Variants in ZNF548 observed in about 807,000 individuals in gnomAD.
ZNF548 encodes the protein zinc finger protein 548.
Under a neutral mutation model 10.2 loss-of-function variants are expected in ZNF548, and 10 were observed. The ratio of observed to expected loss-of-function variants is 0.98; its 90% CI spans 0.60 to 1.66. The LOEUF (loss-of-function observed/expected upper bound fraction) is 1.66, where lower values mean the gene tolerates loss of function less well. ZNF548 is among the 40% of genes most tolerant of loss of function. The probability of loss-of-function intolerance (pLI) is 0.00; values close to 1 mark genes in which losing one functional copy is unlikely to be tolerated. For synonymous variants in ZNF548, 217 were observed against 223.5 expected (o/e 0.97, Z 0.26); for missense variants, 599 against 657.0 (o/e 0.91, Z 0.97).
At chr19:57,396,416 C>T (rs1295421398) in intron 2 of ZNF548, among the ~76,000 whole-genome samples, 2 of 152,210 alleles carry the variant, frequency 1.3e-5, no homozygotes, top group South Asian at 2.1e-4. Flanking sequence ...AGAAAAGTCA[C>T]TCATGCCACC....
chr19:57,395,035 G>T lies in ZNF548; in HGVS notation c.51+812G>T, dbSNP rs1055789196. On this transcript the variant is annotated intron_variant, in intron 2 of 3. Transcript: ENST00000336128. This position sits in a 1 kb window ranked among gnomAD's most constrained non-coding sequence, Gnocchi z 4.8. ...TGATGGAGGAGTTCAGGTTGGAGAT[G>T]TCCACACTATGGTGGCTGTCGTATG... 6.6e-6 allele frequency among the ~76,000 whole-genome samples: 1 copy of T among 151,990 alleles called. No homozygotes were observed. Among genetic ancestry groups the T allele is most frequent in the Non-Finnish European group, 1.5e-5 (1 of 68,040 alleles).
rs2088722203 is a variant in ZNF548, at chr19:57,402,134, C to G, written c.*2245C>G. 6.6e-6 allele frequency: 1 copy of G among 152,218 alleles called. No homozygotes were observed. Among genetic ancestry groups the G allele is most frequent in the African/African-American group, 2.4e-5 (1 of 41,454 alleles). 9.4% of individuals were successfully genotyped at this position (152,218 alleles called of 1,614,324 possible). On this transcript the variant is annotated 3_prime_UTR_variant, in exon 4 of 4. Transcript: ENST00000336128. ...TTATGTGGCTATCCAGTTTTCCAAG[C>G]ACCATTTTTTGAAAAGAGCATCTTT...
chr19:57,401,112 A>G lies in ZNF548; in HGVS notation c.*1223A>G, dbSNP rs2088713022. 1 of 152,010 alleles carries G rather than the reference A, an allele frequency of 6.6e-6. No homozygotes were observed. Among genetic ancestry groups the G allele is most frequent in the African/African-American group, 2.4e-5 (1 of 41,356 alleles). 9.4% of individuals were successfully genotyped at this position (152,010 alleles called of 1,614,324 possible). On this transcript the variant is annotated 3_prime_UTR_variant, in exon 4 of 4. Coordinates refer to ENST00000336128, the MANE Select transcript of ZNF548 (RefSeq NM_001172773.2). ...TATACATTCTGGATATTAACTCCTTACCAAATATATGCTTTTTACATATTA... is the reference window on the plus strand; with the variant it reads ...TATACATTCTGGATATTAACTCCTTGCCAAATATATGCTTTTTACATATTA...
At chr19:57,398,017 A>G (rs2088679419) in intron 3 of ZNF548, among the ~76,000 whole-genome samples, 1 of 152,158 alleles carries the variant, frequency 6.6e-6, no homozygotes, top group Non-Finnish European at 1.5e-5. Flanking sequence ...ATGCCTGCCA[A>G]CACGTGGCCT....
chr19:57,391,025 GT>G (rs1275022551), intron 1 of ZNF548, among the ~76,000 whole-genome samples: 21 of 152,300 alleles, frequency 1.4e-4, no homozygotes, highest in Admixed American at 5.2e-4. Flanking sequence ...TATTTGCATA[GT>G]GGTCAAGTCT....
chr19:57,396,397 A>C (rs1268361573), intron 2 of ZNF548, among the ~76,000 whole-genome samples: 1 of 152,160 alleles, frequency 6.6e-6, no homozygotes, highest in African/African-American at 2.4e-5. Context: ...GGCCAATGTC[A>C]ATATGGAGAG....
Position 57,399,899 on chromosome 19 carries a change from T to C in ZNF548, c.*10T>C, listed in dbSNP as rs769086629. The stretch of plus-strand genomic sequence containing the variant: ...GAAAGTTTACCATTGACTATTGTAA[T>C]TGGGTAGTAATGTTATATAAATTCC... On this transcript the variant is annotated 3_prime_UTR_variant, in exon 4 of 4. Coordinates refer to ENST00000336128, the MANE Select transcript of ZNF548 (RefSeq NM_001172773.2). The surrounding 1 kb of genome is among the most constrained non-coding windows in gnomAD (Gnocchi z 4.0). 13 of 1,557,374 alleles carry C rather than the reference T, an allele frequency of 8.3e-6. No homozygotes were observed. The highest frequency in any genetic ancestry group is 6.9e-5 in the East Asian group (3 of 43,346).
chr19:57,390,053 C>T lies in ZNF548; in HGVS notation c.-47C>T, dbSNP rs1401054935. ...AGTGGCGTCCTTGTCTTGCCTTTGT[C>T]GCTCCCGCCCCGCTCTTCCCTGGCT... On this transcript the variant is annotated 5_prime_UTR_variant, in exon 1 of 4. Coordinates refer to ENST00000336128, the MANE Select transcript of ZNF548 (RefSeq NM_001172773.2). 3.1e-6 allele frequency: 5 copies of T among 1,603,372 alleles called. No individual in the cohort carries two copies. The highest frequency in any genetic ancestry group is 1.7e-4 in the Middle Eastern group (1 of 6,028).
Position 57,398,592 on chromosome 19 carries a change from A to G in ZNF548, c.341A>G (p.His114Arg). The change falls in exon 4 of 4, where the codon CAC becomes CGC. Residue 114 changes from histidine to arginine, a missense_variant. Coordinates refer to ENST00000336128, the MANE Select transcript of ZNF548 (RefSeq NM_001172773.2). ...PLKDILCLVE[H>R]NGIHPEQHIY... is the part of the protein sequence containing the mutation. ...AAAGACATTCTGTGCCTGGTTGAGC[A>G]CAATGGAATTCATCCTGAGCAACAC... 6.2e-7 allele frequency: 1 copy of G among 1,614,092 alleles called. No individual in the cohort carries two copies.
At position 57,390,099 on chromosome 19, in the gene ZNF548, G is replaced by T; in HGVS notation, c.-1G>T. On this transcript the variant is annotated 5_prime_UTR_variant, in exon 1 of 4. Coordinates refer to ENST00000336128, the MANE Select transcript of ZNF548 (RefSeq NM_001172773.2). ...TGGCTGGGCTGGCGGAGGCCTTGCT[G>T]ATGAACCTGACTGAGGTGGGTGTCC... is the stretch of plus-strand genomic sequence containing the variant. 1 of 1,608,954 alleles carries T rather than the reference G, an allele frequency of 6.2e-7. No homozygotes were observed. Among genetic ancestry groups the T allele is most frequent in the East Asian group, 2.2e-5 (1 of 44,870 alleles).
rs1367572840 is a variant in ZNF548, at chr19:57,399,599, A to G, written c.1348A>G (p.Lys450Glu). ...CTTTCGTTACAACTCCAACCTCATT[A>G]AACATTGGAGAAATCACACTGGAGA... Reference protein sequence around the residue: ...KFFRYNSNLIKHWRNHTGERP... With the variant: ...KFFRYNSNLIEHWRNHTGERP... Residue 450 changes from lysine (K) to glutamate (E), a missense_variant, in exon 4 of 4, where the codon AAA (lysine) becomes GAA (glutamate). Coordinates refer to ENST00000336128, the MANE Select transcript of ZNF548 (RefSeq NM_001172773.2). The surrounding 1 kb of genome is among the most constrained non-coding windows in gnomAD (Gnocchi z 4.0). 1.2e-5 allele frequency: 20 copies of G among 1,614,090 alleles called. No homozygotes were observed. The highest frequency in any genetic ancestry group is 1.7e-5 in the Non-Finnish European group (20 of 1,179,986).
intron 1 of ZNF548, among the ~76,000 whole-genome samples, chr19:57,392,140 G>A (rs1600084785): frequency 6.7e-6 from 1 of 149,948 alleles, no homozygotes; most frequent in East Asian, 1.9e-4. Flanking sequence ...TTGTTTTTTT[G>A]TTATGTTTTG....
intron 2 of ZNF548, 108 bp downstream of exon 2, chr19:57,394,331 T>C: frequency 8.5e-7 from 1 of 1,172,380 alleles, no homozygotes; most frequent in African/African-American, 1.6e-5. Context: ...GAAGGGTGAG[T>C]GGTTTCACCA....
intron 3 of ZNF548, 92 bp downstream of exon 3, chr19:57,397,266 TG>T: frequency 1.4e-6 from 2 of 1,448,646 alleles, no homozygotes; most frequent in Non-Finnish European, 1.8e-6. Flanking sequence ...AGTGAGACCG[TG>T]GGTGCTGCTT....
At chr19:57,396,134 G>A (rs2037317556) in intron 2 of ZNF548, among the ~76,000 whole-genome samples, 1 of 152,202 alleles carries the variant, frequency 6.6e-6, no homozygotes, top group Admixed American at 6.5e-5. Context: ...CTGGAGTGGA[G>A]GTGTGAGAGA....
At position 57,399,242 on chromosome 19, in the gene ZNF548, A is replaced by G. The variant is rs1237174225; in HGVS notation, c.991A>G (p.Met331Val). The G allele has an allele frequency of 5.6e-6, 9 of 1,613,952 alleles. No individual in the cohort carries two copies. In the East Asian group the frequency reaches 2.0e-4, roughly 36 times the overall value. Residue 331 changes from methionine (M) to valine (V), a missense_variant, in exon 4 of 4, where the codon ATG becomes GTG. Coordinates refer to ENST00000336128, the MANE Select transcript of ZNF548 (RefSeq NM_001172773.2). This position sits in a 1 kb window ranked among gnomAD's most constrained non-coding sequence, Gnocchi z 4.0. ...YECRECGKFF[M>V]DSSTLIKHQR... ...GTGCAGGGAATGTGGGAAATTCTTT[A>G]TGGACAGCTCCACACTCATTAAACA...
At chr19:57,393,282 T>G (rs1336293554) in intron 1 of ZNF548, among the ~76,000 whole-genome samples, 1 of 152,140 alleles carries the variant, frequency 6.6e-6, no homozygotes, top group East Asian at 1.9e-4. Context: ...TATGAAACAC[T>G]TATTGATTTA....
Position 57,399,280 on chromosome 19 carries a change from C to T in ZNF548, c.1029C>T (p.His343=). The part of the protein sequence containing the change: ...SSTLIKHQRV[H]TGERPYKCND... ...CACTCATTAAACATCAGAGAGTTCA[C>T]ACCGGAGAAAGACCTTATAAGTGCA... Residue 343 remains histidine, a synonymous_variant, in exon 4 of 4, where the codon CAC becomes CAT. Transcript: ENST00000336128. The surrounding 1 kb of genome is among the most constrained non-coding windows in gnomAD (Gnocchi z 4.0). The T allele has an allele frequency of 1.2e-6, 2 of 1,614,090 alleles. No individual in the cohort carries two copies. Among genetic ancestry groups the T allele is most frequent in the Non-Finnish European group, 8.5e-7 (1 of 1,179,960 alleles).
intron 1 of ZNF548, among the ~76,000 whole-genome samples, chr19:57,393,563 G>T (rs1402989853): frequency 6.6e-6 from 1 of 151,666 alleles, no homozygotes; most frequent in African/African-American, 2.4e-5. Context: ...AGGAGGCTGA[G>T]GCAGGCGAAT....
Sources: allele counts gnomAD v4.1 joint callset (sites outside exome capture counted in the v4.1 genomes callset), GRCh38; gene constraint gnomAD v4.1.1; non-coding constraint Gnocchi (gnomAD v3.1); transcripts MANE v1.5; gene names NCBI Gene and HGNC (gene_info 2026-07-23, HGNC 2026-07-21).